The following SLC44A4 variants were observed in gnomAD, a reference collection of about 807,000 sequenced individuals.
SLC44A4 encodes the protein solute carrier family 44 member 4, also known as choline transporter-like protein 4.
In SLC44A4, 74 loss-of-function variants were observed where a neutral mutation model predicts 97.0. That is an observed-to-expected ratio of 0.76 (90% CI 0.63 to 0.93). SLC44A4 has a LOEUF of 0.93. Ranked by LOEUF, SLC44A4 falls within the 40% of genes least tolerant of loss-of-function variation. The pLI, the probability that SLC44A4 is intolerant of heterozygous loss-of-function variation, is 0.00. For missense variants in SLC44A4, 799 were observed against 902.9 expected (o/e 0.88, Z 1.48); for synonymous variants, 325 against 363.8 (o/e 0.89, Z 1.21).
At chr6:31,870,535 C>G (rs1315588669) in intron 11 of SLC44A4, 68 bp downstream of exon 11, 12 of 1,323,382 alleles carry the variant, frequency 9.1e-6, no homozygotes, top group Non-Finnish European at 2.1e-6. Flanking sequence ...CTAGCACCCC[C>G]TAGGTCCCCT....
chr6:31,878,918 C>A lies in SLC44A4; in HGVS notation c.40+23G>T. Reference sequence around the variant, plus strand: ...CCGTCCTCCCCTCCCTCCACAGGGTCCCGGGCCTCGCCCCAGTCTCACCGT... The same window carrying A: ...CCGTCCTCCCCTCCCTCCACAGGGTACCGGGCCTCGCCCCAGTCTCACCGT... On this transcript the variant is annotated intron_variant, in intron 1 of 20. Coordinates refer to ENST00000229729, the MANE Select transcript of SLC44A4 (RefSeq NM_025257.3). The surrounding 1 kb of genome is among the most constrained non-coding windows in gnomAD (Gnocchi z 4.0). 5.0e-6 allele frequency: 8 copies of A among 1,613,692 alleles called. No individual in the cohort carries two copies. Among genetic ancestry groups the A allele is most frequent in the Non-Finnish European group, 6.8e-6 (8 of 1,179,682 alleles).
rs755099338 is a variant in SLC44A4, at chr6:31,875,925, A to T, written c.169T>A (p.Leu57Met). Residue 57 changes from leucine (L) to methionine (M), a missense_variant, in exon 4 of 21, where the codon TTG becomes ATG. Transcript: ENST00000229729. ...GYIVVGIVAW[L>M]YGDPRQVLYP... ...AGGACTTGCCGGGGGTCTCCATACA[A>T]CCAGGCTGCAGACAGAGGCACAGAT... is the stretch of plus-strand genomic sequence containing the variant. 1 of 1,613,898 alleles carries T rather than the reference A, an allele frequency of 6.2e-7. No individual in the cohort carries two copies. The highest frequency in any genetic ancestry group is 1.7e-5 in the Admixed American group (1 of 59,988).
chr6:31,875,938 C>A lies in SLC44A4; in HGVS notation c.164-8G>T. 6.2e-7 allele frequency: 1 copy of A among 1,613,942 alleles called. No individual in the cohort carries two copies. Among genetic ancestry groups the A allele is most frequent in the Non-Finnish European group, 8.5e-7 (1 of 1,179,948 alleles). ...GGTCTCCATACAACCAGGCTGCAGA[C>A]AGAGGCACAGATGAGTCATTGGAGG... On this transcript the variant is annotated splice_polypyrimidine_tract_variant and splice_region_variant and intron_variant, in intron 3 of 20. Transcript: ENST00000229729.
At position 31,865,096 on chromosome 6, in the gene SLC44A4, G is replaced by C; in HGVS notation, c.1761-16C>G. 1 of 1,613,308 alleles carries C rather than the reference G, an allele frequency of 6.2e-7. No individual in the cohort carries two copies. Among genetic ancestry groups the C allele is most frequent in the Non-Finnish European group, 8.5e-7 (1 of 1,179,996 alleles). ...GACGACCACCCTGTGCCAGAAGTTAGGGCAGGTTGAGGGTGAGAGGCCTGG... is the reference window on the plus strand; with the variant it reads ...GACGACCACCCTGTGCCAGAAGTTACGGCAGGTTGAGGGTGAGAGGCCTGG... On this transcript the variant is annotated splice_polypyrimidine_tract_variant and intron_variant, in intron 17 of 20. Transcript: ENST00000229729. The surrounding 1 kb of genome is among the most constrained non-coding windows in gnomAD (Gnocchi z 5.2).
At chr6:31,873,448 G>A (rs1763282876) in intron 7 of SLC44A4, among the ~76,000 whole-genome samples, 1 of 152,138 alleles carries the variant, frequency 6.6e-6, no homozygotes, top group African/African-American at 2.4e-5. Context: ...CTCCCAAAGT[G>A]CTAGGATTAC....
chr6:31,866,894 C>CA lies in SLC44A4; in HGVS notation c.1234-769dup, dbSNP rs760081452. 2.2e-3 allele frequency among the ~76,000 whole-genome samples: 253 copies of CA among 114,006 alleles called. 1 individual carries two copies. Among genetic ancestry groups the CA allele is most frequent in the Middle Eastern group, 4.7e-3 (1 of 214 alleles). The allele number at this position is 114,006 out of a possible 152,430, so 74.8% of individuals were successfully genotyped here. On this transcript the variant is annotated intron_variant, in intron 13 of 20. Transcript: ENST00000229729. ...GGGAGACAAGAGCAAAACTCCATCTCAAAAAAAAAAAAAATTATAGGTGAG... is the reference window on the plus strand; with the variant it reads ...GGGAGACAAGAGCAAAACTCCATCTCAAAAAAAAAAAAAAATTATAGGTGAG...
rs768389369 is a variant in SLC44A4 at position 31,870,575 on chromosome 6, C to T, written c.1037+28G>A. On this transcript the variant is annotated intron_variant, in intron 11 of 20. Coordinates refer to ENST00000229729, the MANE Select transcript of SLC44A4 (RefSeq NM_025257.3). ...CTCCTGGGTCCACGCTGTCCTCAAC[C>T]CCATCTCCCTCCCAGGCAGGCCCTA... 5.1e-6 allele frequency: 8 copies of T among 1,554,764 alleles called. No individual in the cohort carries two copies. The South Asian group carries it at 5.9e-5, about 11-fold the overall frequency.
chr6:31,865,326 T>G lies in SLC44A4; in HGVS notation c.1749A>C (p.Arg583=), dbSNP rs767096721. The change falls in exon 17 of 21, where the codon CGA becomes CGC. Residue 583 remains arginine, a synonymous_variant. Transcript: ENST00000229729. The surrounding 1 kb of genome is among the most constrained non-coding windows in gnomAD (Gnocchi z 5.2). ...GGGAGCAGCCTAACCTGACAATGTTTCGCATGAGTAGCATGAACGCATTTT... is the reference window on the plus strand; with the variant it reads ...GGGAGCAGCCTAACCTGACAATGTTGCGCATGAGTAGCATGAACGCATTTT... ...SAKNAFMLLM[R]NIVRVVVLDK... The G allele has an allele frequency of 3.1e-6, 5 of 1,614,000 alleles. No individual in the cohort carries two copies. The South Asian group carries it at 5.5e-5, about 18-fold the overall frequency.
At chr6:31,869,323 C>A in intron 12 of SLC44A4, 66 bp from the exon 13 acceptor site, 4 of 1,280,146 alleles carry the variant, frequency 3.1e-6, no homozygotes, top group Admixed American at 2.1e-5. Context: ...CCTTAGGGAC[C>A]TGTTCCTAGG....
In SLC44A4 at chr6:31,870,813, G is replaced by A. The variant is rs144232483; in HGVS notation, c.936C>T (p.Ala312=). The change falls in exon 10 of 21, where the codon GCC becomes GCT. Residue 312 remains alanine, a splice_region_variant and synonymous_variant. Coordinates refer to ENST00000229729, the MANE Select transcript of SLC44A4 (RefSeq NM_025257.3). ...CTTGGGGGTGGGCAGGACACTCACG[G>A]GCGGCCAGCCAGGTCTCCTGCACGC... ...YQSVQETWLA[A]LIVLAVLEAI... 2.1e-4 allele frequency: 346 copies of A among 1,612,886 alleles called. No individual in the cohort carries two copies. The highest frequency in any genetic ancestry group is 7.2e-4 in the Admixed American group (43 of 60,000).
rs1300774250 is a variant in SLC44A4, at chr6:31,878,973, C to T, written c.8G>A (p.Gly3Glu). The change falls in exon 1 of 21, where the codon GGA becomes GAA. Residue 3 changes from glycine to glutamate, a missense_variant. Gly to Glu is a moderately conservative substitution (Grantham distance 98, BLOSUM62 -2). Transcript: ENST00000229729. The surrounding 1 kb of genome is among the most constrained non-coding windows in gnomAD (Gnocchi z 4.0). ...CTCGTCATCCTCGTCCCGCTGCTTT[C>T]CCCCCATGGCTCAGTCTCCGGAGTG... is the stretch of plus-strand genomic sequence containing the variant. The part of the protein sequence containing the change: MG[G>E]KQRDEDDEAY... The T allele has an allele frequency of 1.2e-6, 2 of 1,613,320 alleles. No homozygotes were observed. Among genetic ancestry groups the T allele is most frequent in the South Asian group, 1.1e-5 (1 of 91,064 alleles).
At chr6:31,870,370 A>G (rs990054369) in intron 11 of SLC44A4, among the ~76,000 whole-genome samples, 2 of 152,058 alleles carry the variant, frequency 1.3e-5, no homozygotes, top group Admixed American at 6.5e-5. Flanking sequence ...TAGAAGGCCT[A>G]TGTCATATTC....
chr6:31,865,749 A>T lies in SLC44A4; in HGVS notation c.1523T>A (p.Ile508Asn). ...HTGSLAFGAL[I>N]LTLVQIARVI... ...CCGGGCTATCTGCACAAGGGTCAGGATGAGGGCTCCAAATGCCAATGACCC... is the reference window on the plus strand; with the variant it reads ...CCGGGCTATCTGCACAAGGGTCAGGTTGAGGGCTCCAAATGCCAATGACCC... Residue 508 changes from isoleucine (I) to asparagine (N), a missense_variant, in exon 15 of 21, where the codon ATC becomes AAC. Around this residue, in one of 3 missense-constraint regions of SLC44A4, gnomAD observed 379 missense variants for 438.3 expected, o/e 0.86. Transcript: ENST00000229729. The surrounding 1 kb of genome is among the most constrained non-coding windows in gnomAD (Gnocchi z 5.2). The T allele has an allele frequency of 6.2e-7, 1 of 1,613,768 alleles. No individual in the cohort carries two copies. The highest frequency in any genetic ancestry group is 1.1e-5 in the South Asian group (1 of 91,086).
chr6:31,874,358 A>G lies in SLC44A4; in HGVS notation c.529+102T>C. On this transcript the variant is annotated intron_variant, in intron 7 of 20. Coordinates refer to ENST00000229729, the MANE Select transcript of SLC44A4 (RefSeq NM_025257.3). This position sits in a 1 kb window ranked among gnomAD's most constrained non-coding sequence, Gnocchi z 4.8. ...TGATGCTAATTCCAATTTTGCCACC[A>G]ACAAGCTATGTGACTTCACTCTCTC... The G allele has an allele frequency of 7.4e-7, 1 of 1,358,836 alleles. No individual in the cohort carries two copies. The highest frequency in any genetic ancestry group is 1.0e-6 in the Non-Finnish European group (1 of 961,048). The allele number at this position is 1,358,836 out of a possible 1,614,324, so 84.2% of individuals were successfully genotyped here. A position where few individuals can be genotyped will look rare whatever the true frequency, so the allele number is the denominator to read the frequency against.
At chr6:31,867,818 A>G (rs1370205383) in intron 13 of SLC44A4, among the ~76,000 whole-genome samples, 1 of 143,106 alleles carries the variant, frequency 7.0e-6, no homozygotes, top group African/African-American at 2.7e-5. Context: ...GTACATGTAA[A>G]TAAACCTTTT....
chr6:31,864,356 G>A, intron 20 of SLC44A4: 1 of 514,790 alleles, frequency 1.9e-6, no homozygotes, highest in Non-Finnish European at 3.5e-6. Flanking sequence ...CATGACAGGC[G>A]TGAGCCACCA....
chr6:31,871,492 G>A lies in SLC44A4; in HGVS notation c.599C>T (p.Thr200Ile), dbSNP rs558673226. 3.8e-5 allele frequency: 61 copies of A among 1,613,920 alleles called. No individual in the cohort carries two copies. The highest frequency in any genetic ancestry group is 5.1e-5 in the Non-Finnish European group (60 of 1,179,944). Residue 200 changes from threonine (T) to isoleucine (I), a missense_variant, in exon 8 of 21, where the codon ACC becomes ATC. Thr to Ile is a moderately conservative substitution (Grantham distance 89, BLOSUM62 -1). Around this residue, in one of 3 missense-constraint regions of SLC44A4, gnomAD observed 409 missense variants for 434.1 expected, o/e 0.94. Coordinates refer to ENST00000229729, the MANE Select transcript of SLC44A4 (RefSeq NM_025257.3). ...TGCCTACCTGATCCCCTGCTGTATG[G>A]TGGTGTCATTGGTGATCCCTGGGAG... ...PALPGITNDT[T>I]IQQGISGLID... is the part of the protein sequence containing the mutation.
rs1413572655 is a variant in SLC44A4 at position 31,870,862 on chromosome 6, G to A, written c.887C>T (p.Thr296Ile). The change falls in exon 10 of 21, where the codon ACC becomes ATC. Residue 296 changes from threonine (T) to isoleucine (I), a missense_variant. Thr to Ile is a moderately conservative substitution (Grantham distance 89, BLOSUM62 -1). Coordinates refer to ENST00000229729, the MANE Select transcript of SLC44A4 (RefSeq NM_025257.3). ...GCTCTGGTAGGCACTGAGGTTGGTG[G>A]TGAAACCCAGCTGGGAGATGGAGGC... ...KGASISQLGFTTNLSAYQSVQ... is the reference protein window; with the variant it reads ...KGASISQLGFITNLSAYQSVQ... The A allele has an allele frequency of 6.2e-7, 1 of 1,613,070 alleles. No individual in the cohort carries two copies. Among genetic ancestry groups the A allele is most frequent in the Non-Finnish European group, 8.5e-7 (1 of 1,180,018 alleles).
Position 31,874,755 on chromosome 6 carries a change from C to A in SLC44A4, c.434G>T (p.Arg145Met), listed in dbSNP as rs1299516583. Reference protein sequence around the residue: ...TVGEVFYTKNRNFCLPGVPWN... With the variant: ...TVGEVFYTKNMNFCLPGVPWN... ...GGGTACCCCTGGCAGACAAAAGTTCCTGTTTTTTGTATAGAAGACTTCCCC... is the reference window on the plus strand; with the variant it reads ...GGGTACCCCTGGCAGACAAAAGTTCATGTTTTTTGTATAGAAGACTTCCCC... Residue 145 changes from arginine to methionine, a missense_variant, in exon 6 of 21, where the codon AGG (arginine) becomes ATG (methionine). By Grantham distance (91) the Arg-to-Met change is moderately conservative. This residue lies in a region of SLC44A4 where 409 missense variants were observed against 434.1 expected (regional missense o/e 0.94). Coordinates refer to ENST00000229729, the MANE Select transcript of SLC44A4 (RefSeq NM_025257.3). The surrounding 1 kb of genome is among the most constrained non-coding windows in gnomAD (Gnocchi z 4.8). 6.2e-7 allele frequency: 1 copy of A among 1,613,726 alleles called. No individual in the cohort carries two copies. Among genetic ancestry groups the A allele is most frequent in the African/African-American group, 1.3e-5 (1 of 74,880 alleles).
Sources: allele counts gnomAD v4.1 joint callset (sites outside exome capture counted in the v4.1 genomes callset), GRCh38; gene constraint gnomAD v4.1.1; regional missense constraint gnomAD v4.1.1; non-coding constraint Gnocchi (gnomAD v3.1); transcripts MANE v1.5; gene names NCBI Gene and HGNC (gene_info 2026-07-23, HGNC 2026-07-21).